The following HECW2 variants were observed in gnomAD, a reference collection of about 807,000 sequenced individuals.
The protein encoded by HECW2 is E3 ubiquitin-protein ligase HECW2.
Under a neutral mutation model 175.2 loss-of-function variants are expected in HECW2, and 61 were observed. The observed-to-expected ratio is 0.35, with a 90% CI of 0.28 to 0.43. The LOEUF (loss-of-function observed/expected upper bound fraction) is 0.43. HECW2 is among the 20% of genes least tolerant of loss of function. The probability of loss-of-function intolerance (pLI) is 1.00; values close to 1 mark genes in which losing one functional copy is unlikely to be tolerated. For missense variants in HECW2, 1,524 were observed against 2,000.5 expected (o/e 0.76, Z 4.54); for synonymous variants, 671 against 731.0 (o/e 0.92, Z 1.32).
chr2:196,375,171 G>GA (rs3082113), intron 2 of HECW2, among the ~76,000 whole-genome samples: 1 of 148,738 alleles, frequency 6.7e-6, no homozygotes, highest in Admixed American at 6.7e-5. Flanking sequence ...AAAAAAAAAA[G>GA]AAAGAAAAAA....
chr2:196,436,701 T>G (rs4850712), intron 1 of HECW2, among the ~76,000 whole-genome samples: 91,299 of 151,580 alleles, frequency 0.6, 30,204 homozygotes, highest in East Asian at 0.92. Flanking sequence ...TACTACTACA[T>G]GTCTACCATA....
At chr2:196,530,037 T>C (rs1454689723) in intron 1 of HECW2, among the ~76,000 whole-genome samples, 1 of 152,216 alleles carries the variant, frequency 6.6e-6, no homozygotes, top group Non-Finnish European at 1.5e-5. Context: ...TTAGATTTCA[T>C]ATAAGAATCT....
intron 1 of HECW2, among the ~76,000 whole-genome samples, chr2:196,592,210 C>G (rs1018297075): frequency 2.6e-5 from 4 of 152,124 alleles, no homozygotes; most frequent in Non-Finnish European, 5.9e-5. Context: ...GAAATCATAA[C>G]CCAAAAGCTA....
intron 2 of HECW2, among the ~76,000 whole-genome samples, chr2:196,432,532 G>A (rs896702505): frequency 3.3e-5 from 5 of 152,176 alleles, no homozygotes; most frequent in Non-Finnish European, 7.3e-5. Context: ...AACAACAAGC[G>A]TAAATTAGCT....
intron 1 of HECW2, among the ~76,000 whole-genome samples, chr2:196,512,382 C>T (rs945767476): frequency 4.6e-5 from 7 of 152,068 alleles, no homozygotes; most frequent in East Asian, 3.9e-4. Flanking sequence ...TTTTTTAACC[C>T]TTCAACTGAT....
intron 1 of HECW2, among the ~76,000 whole-genome samples, chr2:196,500,221 A>C (rs2178070): frequency 6.6e-6 from 1 of 152,138 alleles, no homozygotes; most frequent in African/African-American, 2.4e-5. Context: ...TAGAACTTCA[A>C]GTTTTTTTAG....
chr2:196,441,631 C>T (rs749649460), intron 1 of HECW2, among the ~76,000 whole-genome samples: 2 of 152,154 alleles, frequency 1.3e-5, no homozygotes, highest in African/African-American at 2.4e-5. Context: ...AAAGCTCCCC[C>T]TCCAGTGGAT....
At chr2:196,340,595 CAAAAAAAA>C (rs3082071) in intron 3 of HECW2, among the ~76,000 whole-genome samples, 3 of 66,914 alleles carry the variant, frequency 4.5e-5, no homozygotes, top group Non-Finnish European at 8.0e-5. Flanking sequence ...GACTCCGTCT[CAAAAAAAA>C]AAAAAAAAAA....
chr2:196,205,225 A>G (rs1167546064), intron 28 of HECW2, among the ~76,000 whole-genome samples: 1 of 152,240 alleles, frequency 6.6e-6, no homozygotes, highest in East Asian at 1.9e-4. Flanking sequence ...CTGTGTGGAA[A>G]GATTAAATGG....
chr2:196,502,284 T>A (rs1349893907), intron 1 of HECW2, among the ~76,000 whole-genome samples: 1 of 152,226 alleles, frequency 6.6e-6, no homozygotes, highest in Non-Finnish European at 1.5e-5. Flanking sequence ...TATTTGTTTG[T>A]TCCAACCTAA....
intron 7 of HECW2, among the ~76,000 whole-genome samples, chr2:196,321,841 T>A (rs1487689619): frequency 6.6e-6 from 1 of 152,248 alleles, no homozygotes; most frequent in East Asian, 1.9e-4. Context: ...GAGCCTCTAG[T>A]CAGCTATGCA....
intron 3 of HECW2, 125 bp from the exon 4 acceptor site, chr2:196,334,643 T>A: frequency 1.4e-6 from 1 of 716,182 alleles, no homozygotes; most frequent in South Asian, 1.8e-5. Flanking sequence ...ACCTCTTTTT[T>A]CCACTCAGCG....
At chr2:196,408,574 A>G (rs1162680922) in intron 2 of HECW2, among the ~76,000 whole-genome samples, 1 of 152,232 alleles carries the variant, frequency 6.6e-6, no homozygotes, top group African/African-American at 2.4e-5. Flanking sequence ...GAATGAATGA[A>G]CAAATGACTA....
At chr2:196,446,086 C>A (rs975435198) in intron 1 of HECW2, among the ~76,000 whole-genome samples, 7 of 152,228 alleles carry the variant, frequency 4.6e-5, no homozygotes, top group African/African-American at 1.7e-4. Flanking sequence ...GAAAGCCCCA[C>A]ATGATCTGGC....
chr2:196,335,708 A>G (rs868768134), intron 3 of HECW2, among the ~76,000 whole-genome samples: 7 of 152,316 alleles, frequency 4.6e-5, no homozygotes, highest in Middle Eastern at 3.4e-3. Context: ...CAAAAAAACA[A>G]AAGTTGTTAT....
chr2:196,240,997 C>G lies in HECW2; in HGVS notation c.3651-435G>C, dbSNP rs557231159. On this transcript the variant is annotated intron_variant, in intron 20 of 28. Transcript: ENST00000644978. Reference sequence around the variant, plus strand: ...AATTATTAAGTGCCCAGCAAGATGACTGTGAGAACAAAGAGGAAAAAAAAA... The same window carrying G: ...AATTATTAAGTGCCCAGCAAGATGAGTGTGAGAACAAAGAGGAAAAAAAAA... Among the ~76,000 whole-genome samples the G allele has an allele frequency of 2.4e-5, 3 of 126,404 alleles. No individual in the cohort carries two copies. In the South Asian group the frequency reaches 9.0e-4, roughly 38 times the overall value. The allele number at this position is 126,404 out of a possible 152,430, so 82.9% of individuals were successfully genotyped here. A position where few individuals can be genotyped will look rare whatever the true frequency, so the allele number is the denominator to read the frequency against.
At chr2:196,455,846 A>G (rs765817739) in intron 1 of HECW2, among the ~76,000 whole-genome samples, 5 of 151,996 alleles carry the variant, frequency 3.3e-5, no homozygotes, top group Non-Finnish European at 7.4e-5. Flanking sequence ...AATAACCCAA[A>G]ATCAATTATT....
chr2:196,327,876 T>G (rs1434633498), intron 5 of HECW2, among the ~76,000 whole-genome samples: 1 of 152,176 alleles, frequency 6.6e-6, no homozygotes, highest in Non-Finnish European at 1.5e-5. Flanking sequence ...TTTAGGAAAA[T>G]GCCCTAGGAT....
In HECW2 at chr2:196,215,894, C is replaced by A. The variant is rs545923415; in HGVS notation, c.4578G>T (p.Glu1526Asp). ...GAAGAGCAGTGATTTTCCCCCATTT[C>A]TCCACACAGAATCTTCTTGGGCCGT... Reference protein sequence around the residue: ...GSNGPRRFCVEKWGKITALPR... With the variant: ...GSNGPRRFCVDKWGKITALPR... Residue 1526 changes from glutamate to aspartate, a missense_variant, in exon 28 of 29, where the codon GAG (glutamate) becomes GAT (aspartate). Glu to Asp is a conservative substitution (Grantham distance 45). This residue lies in a region of HECW2 where 134 missense variants were observed against 287.8 expected (regional missense o/e 0.47). Coordinates refer to ENST00000644978, the MANE Select transcript of HECW2 (RefSeq NM_001348768.2). 2 of 1,613,640 alleles carry A rather than the reference C, an allele frequency of 1.2e-6. No individual in the cohort carries two copies. Among genetic ancestry groups the A allele is most frequent in the East Asian group, 4.5e-5 (2 of 44,886 alleles).
Sources: allele counts gnomAD v4.1 joint callset (sites outside exome capture counted in the v4.1 genomes callset), GRCh38; gene constraint gnomAD v4.1.1; regional missense constraint gnomAD v4.1.1; transcripts MANE v1.5; gene names NCBI Gene and HGNC (gene_info 2026-07-23, HGNC 2026-07-21).